The following PGM5 variants were observed in gnomAD, a reference collection of about 807,000 sequenced individuals.
The protein encoded by PGM5 is phosphoglucomutase-like protein 5.
In PGM5, 23 loss-of-function variants were observed where a neutral mutation model predicts 59.2. The ratio of observed to expected loss-of-function variants is 0.39; its 90% confidence interval spans 0.28 to 0.55. The LOEUF (loss-of-function observed/expected upper bound fraction) is 0.55. Among genes scored for constraint, PGM5 ranks in the 20% least tolerant of loss-of-function variants. The pLI is 0.66. For synonymous variants in PGM5, 214 were observed against 286.0 expected (o/e 0.75, Z 2.54); for missense variants, 574 against 748.3 (o/e 0.77, Z 2.72).
At chr9:68,384,133 G>A (rs1438686252) in intron 2 of PGM5, among the ~76,000 whole-genome samples, 1 of 152,060 alleles carries the variant, frequency 6.6e-6, no homozygotes, top group Non-Finnish European at 1.5e-5. Flanking sequence ...TAGGAAAGAT[G>A]TGTCATTGCT....
chr9:68,483,785 C>G (rs1459674396), intron 8 of PGM5, 80 bp from the exon 9 acceptor site: 3 of 1,298,644 alleles, frequency 2.3e-6, no homozygotes, highest in Middle Eastern at 2.0e-4. Flanking sequence ...GAAACAGAAC[C>G]AATGATTAAA....
chr9:68,528,787 C>G (rs1046173920), intron 10 of PGM5, among the ~76,000 whole-genome samples: 2 of 152,128 alleles, frequency 1.3e-5, no homozygotes, highest in Admixed American at 1.3e-4. Flanking sequence ...GATTGAAGAA[C>G]GGAAAATAGA....
chr9:68,357,568 G>A (rs560165966), intron 1 of PGM5, among the ~76,000 whole-genome samples, 180 bp downstream of exon 1: 91 of 152,282 alleles, frequency 6.0e-4, no homozygotes, highest in South Asian at 1.7e-3. Context: ...AGCCTCCCCG[G>A]TGCACCCCGG....
At chr9:68,435,412 C>G (rs1214979914) in intron 6 of PGM5, among the ~76,000 whole-genome samples, 1 of 152,172 alleles carries the variant, frequency 6.6e-6, no homozygotes, top group Non-Finnish European at 1.5e-5. Flanking sequence ...TTAGCTATCA[C>G]CCCATCATAC....
chr9:68,407,655 G>A (rs1444675403), intron 6 of PGM5, among the ~76,000 whole-genome samples: 2 of 152,184 alleles, frequency 1.3e-5, no homozygotes, highest in African/African-American at 4.8e-5. Flanking sequence ...GACCTGAAAT[G>A]TTTATCCCTA....
At chr9:68,358,424 A>G (rs548311323) in intron 1 of PGM5, among the ~76,000 whole-genome samples, 1 of 152,232 alleles carries the variant, frequency 6.6e-6, no homozygotes, top group Non-Finnish European at 1.5e-5. Context: ...AAGGACATCT[A>G]CAAGAGGGAT....
chr9:68,432,838 C>G, intron 6 of PGM5, among the ~76,000 whole-genome samples: 1 of 152,130 alleles, frequency 6.6e-6, no homozygotes, highest in East Asian at 1.9e-4. Context: ...AACTCCTGAC[C>G]TCAGGTGATC....
At chr9:68,441,237 T>G (rs534075630) in intron 6 of PGM5, among the ~76,000 whole-genome samples, 1 of 151,996 alleles carries the variant, frequency 6.6e-6, no homozygotes, top group Non-Finnish European at 1.5e-5. Flanking sequence ...CTAAATAATA[T>G]CTTCCAGAAA....
intron 7 of PGM5, among the ~76,000 whole-genome samples, chr9:68,470,690 G>T (rs1415529031): frequency 6.6e-6 from 1 of 152,172 alleles, no homozygotes; most frequent in Non-Finnish European, 1.5e-5. Context: ...ATATATCCAT[G>T]CATTTCAGAT....
chr9:68,380,257 C>T (rs1410979856), intron 2 of PGM5, among the ~76,000 whole-genome samples: 1 of 152,012 alleles, frequency 6.6e-6, no homozygotes, highest in African/African-American at 2.4e-5. Flanking sequence ...TGTTTCCAAC[C>T]ACAATGGTGT....
At chr9:68,358,244 T>A (rs1554675964) in intron 1 of PGM5, among the ~76,000 whole-genome samples, 2 of 152,230 alleles carry the variant, frequency 1.3e-5, no homozygotes, top group African/African-American at 4.8e-5. Flanking sequence ...TCGGTTTTCA[T>A]CCTTGTTTTC....
chr9:68,461,696 G>C (rs1587817737), intron 6 of PGM5, among the ~76,000 whole-genome samples: 1 of 151,954 alleles, frequency 6.6e-6, no homozygotes, highest in Non-Finnish European at 1.5e-5. Context: ...CCAGATGCTG[G>C]TGCCTTGATC....
At chr9:68,361,667 G>T (rs263782) in intron 1 of PGM5, among the ~76,000 whole-genome samples, 2,002 of 152,272 alleles carry the variant, frequency 0.013, 45 homozygotes, top group African/African-American at 0.046. Flanking sequence ...TTTTATAAGG[G>T]CACTAATTCC....
At position 68,529,688 on chromosome 9, in the gene PGM5, A is replaced by G; in HGVS notation, c.*32A>G. 1 of 1,382,756 alleles carries G rather than the reference A, an allele frequency of 7.2e-7. No homozygotes were observed. The allele number at this position is 1,382,756 out of a possible 1,614,324, so 85.7% of individuals were successfully genotyped here. A position where few individuals can be genotyped will look rare whatever the true frequency, so the allele number is the denominator to read the frequency against. ...GAAAGATCACTCACCAGGGCCAAAG[A>G]GAGTGCTCAGCGGGAGATGCTTCAC... On this transcript the variant is annotated 3_prime_UTR_variant, in exon 11 of 11. Transcript: ENST00000396396.
At chr9:68,428,553 C>CT (rs1823284973) in intron 6 of PGM5, 1 of 152,184 alleles carries the variant, frequency 6.6e-6, no homozygotes, top group South Asian at 2.1e-4. Flanking sequence ...CCTGTTTCCC[C>CT]TGAGCCAAGA....
intron 6 of PGM5, among the ~76,000 whole-genome samples, chr9:68,450,142 G>A (rs573699075): frequency 1.3e-5 from 2 of 152,158 alleles, no homozygotes; most frequent in African/African-American, 2.4e-5. Flanking sequence ...TATTAAAATT[G>A]TGAATAGAGA....
At chr9:68,401,363 T>A (rs543787185) in intron 6 of PGM5, among the ~76,000 whole-genome samples, 416 of 151,852 alleles carry the variant, frequency 2.7e-3, no homozygotes, top group African/African-American at 9.4e-3. Flanking sequence ...TTTTTGGAAG[T>A]CAGCTCTCTT....
At chr9:68,458,432 A>G (rs1028177865) in intron 6 of PGM5, among the ~76,000 whole-genome samples, 3 of 152,234 alleles carry the variant, frequency 2.0e-5, no homozygotes, top group Non-Finnish European at 4.4e-5. Flanking sequence ...CTAGAAGTTT[A>G]GAGATACTAT....
chr9:68,442,874 T>C (rs1426678838), intron 6 of PGM5, among the ~76,000 whole-genome samples: 6 of 152,178 alleles, frequency 3.9e-5, no homozygotes, highest in Non-Finnish European at 7.3e-5. Context: ...ACAATTAGAA[T>C]TGCTAAAATA....
Sources: gnomAD v4.1 joint callset for allele counts (sites outside exome capture counted in the v4.1 genomes callset) on GRCh38, gnomAD v4.1.1 for gene constraint, MANE v1.5 for transcripts, NCBI Gene and HGNC (gene_info 2026-07-23, HGNC 2026-07-21) for gene names.